The following RCAN2 variants were observed in gnomAD, a reference collection of about 807,000 sequenced individuals.
The protein encoded by RCAN2 is regulator of calcineurin 2, also known as calcipressin-2.
A neutral mutation model predicts 23.6 loss-of-function variants in RCAN2; 9 were observed. The observed-to-expected ratio is 0.38, with a 90% CI of 0.23 to 0.67. The LOEUF (loss-of-function observed/expected upper bound fraction) is 0.67. Among genes scored for constraint, RCAN2 ranks in the 30% least tolerant of loss-of-function variants. The pLI, the probability that RCAN2 is intolerant of heterozygous loss-of-function variation, is 0.51. For synonymous variants in RCAN2, 109 were observed against 115.7 expected (o/e 0.94, Z 0.37); for missense variants, 273 against 302.3 (o/e 0.90, Z 0.72).
intron 2 of RCAN2, among the ~76,000 whole-genome samples, chr6:46,432,433 G>A (rs146187209): frequency 3.3e-5 from 5 of 151,970 alleles, no homozygotes; most frequent in African/African-American, 7.3e-5. Context: ...GGCTGGTCTC[G>A]AACTCCTGAT....
intron 2 of RCAN2, among the ~76,000 whole-genome samples, chr6:46,446,332 A>T (rs1561909301): frequency 6.6e-6 from 1 of 151,950 alleles, no homozygotes; most frequent in Non-Finnish European, 1.5e-5. Flanking sequence ...GAAACTGCCA[A>T]CCAAGAATTC....
intron 2 of RCAN2, among the ~76,000 whole-genome samples, chr6:46,433,725 T>C (rs1408145259): frequency 6.6e-6 from 1 of 152,204 alleles, no homozygotes; most frequent in East Asian, 1.9e-4. Flanking sequence ...TTTTAGGACT[T>C]CCGACCTCCA....
At chr6:46,233,964 G>A (rs1415461036) in intron 4 of RCAN2, among the ~76,000 whole-genome samples, 2 of 152,052 alleles carry the variant, frequency 1.3e-5, no homozygotes, top group African/African-American at 4.8e-5. Flanking sequence ...CCTGACCTCA[G>A]GTAATCCACC....
intron 4 of RCAN2, among the ~76,000 whole-genome samples, chr6:46,241,576 G>A (rs760219889): frequency 3.9e-5 from 6 of 152,180 alleles, no homozygotes; most frequent in African/African-American, 1.4e-4. Context: ...GTGAGGGAAC[G>A]AAAGGCATAA....
intron 1 of RCAN2, among the ~76,000 whole-genome samples, chr6:46,489,772 A>T (rs1025749696): frequency 3.3e-5 from 5 of 152,170 alleles, no homozygotes; most frequent in African/African-American, 1.2e-4. Context: ...TATGGACTGG[A>T]CTCAGGTAGT....
intron 2 of RCAN2, among the ~76,000 whole-genome samples, chr6:46,279,503 T>G (rs988452900): frequency 1.1e-4 from 16 of 152,176 alleles, no homozygotes; most frequent in Non-Finnish European, 1.8e-4. Context: ...TCCCCCTAAT[T>G]GTGACAACGT....
intron 2 of RCAN2, among the ~76,000 whole-genome samples, chr6:46,283,827 C>T (rs571548980): frequency 3.5e-4 from 54 of 152,296 alleles, no homozygotes; most frequent in Admixed American, 1.4e-3. Flanking sequence ...ACTCATCACA[C>T]TGATTTAAAA....
intron 2 of RCAN2, among the ~76,000 whole-genome samples, chr6:46,378,262 A>G (rs751964639): frequency 5.9e-5 from 9 of 152,204 alleles, no homozygotes; most frequent in Non-Finnish European, 1.0e-4. Context: ...GAAAGAAAAT[A>G]GAATGTGATG....
intron 2 of RCAN2, among the ~76,000 whole-genome samples, chr6:46,264,139 T>C (rs981610705): frequency 4.6e-5 from 7 of 152,216 alleles, no homozygotes; most frequent in African/African-American, 1.7e-4. Context: ...CTTCTCAACA[T>C]TGAGGTGGAG....
chr6:46,393,515 T>A (rs1363896680), intron 2 of RCAN2, among the ~76,000 whole-genome samples: 1 of 152,218 alleles, frequency 6.6e-6, no homozygotes, highest in Non-Finnish European at 1.5e-5. Context: ...TTCTAATGGA[T>A]AATGATGTCA....
At chr6:46,466,480 C>G in intron 1 of RCAN2, among the ~76,000 whole-genome samples, 1 of 152,120 alleles carries the variant, frequency 6.6e-6, no homozygotes, top group East Asian at 1.9e-4. Flanking sequence ...GGTCACACTC[C>G]CTTCCACAAC....
At chr6:46,297,434 G>A (rs562951244) in intron 2 of RCAN2, among the ~76,000 whole-genome samples, 3 of 152,214 alleles carry the variant, frequency 2.0e-5, no homozygotes, top group East Asian at 3.9e-4. Flanking sequence ...GGGTGCAGAA[G>A]TGCTAACCCA....
chr6:46,350,844 T>TGG (rs1764626181), intron 2 of RCAN2, among the ~76,000 whole-genome samples: 1 of 152,176 alleles, frequency 6.6e-6, no homozygotes, highest in Non-Finnish European at 1.5e-5. Context: ...ACACTGCTAG[T>TGG]GAACAGTAGA....
rs188756324 is a variant in RCAN2, at chr6:46,375,991, G to A, written c.225+80761C>T. On this transcript the variant is annotated intron_variant, in intron 2 of 4. Coordinates refer to ENST00000371374, the MANE Select transcript of RCAN2 (RefSeq NM_001251974.2). ...TTCCTCTGATGTCTTTCTTTTCAAC[G>A]CATCTCTGAGTTCCTTTCCATTCTT... Among the ~76,000 whole-genome samples, 47 of 152,168 alleles carry A rather than the reference G, an allele frequency of 3.1e-4. 1 individual carries two copies. In the East Asian group the frequency reaches 6.9e-3, roughly 22 times the overall value.
chr6:46,442,900 G>T (rs1340113677), intron 2 of RCAN2, among the ~76,000 whole-genome samples: 1 of 152,066 alleles, frequency 6.6e-6, no homozygotes, highest in African/African-American at 2.4e-5. Flanking sequence ...CTTTAAGAAA[G>T]GTTAAGGTTT....
intron 2 of RCAN2, among the ~76,000 whole-genome samples, chr6:46,256,080 G>C (rs1263932434): frequency 6.6e-6 from 1 of 152,018 alleles, no homozygotes; most frequent in African/African-American, 2.4e-5. Context: ...GTTAGAATAG[G>C]GGTTGGAGGC....
intron 2 of RCAN2, among the ~76,000 whole-genome samples, chr6:46,326,597 G>A (rs1222848835): frequency 6.6e-6 from 1 of 152,164 alleles, no homozygotes; most frequent in African/African-American, 2.4e-5. Context: ...TCCTTTCACA[G>A]GAGTGACCAA....
intron 2 of RCAN2, among the ~76,000 whole-genome samples, chr6:46,354,748 C>T (rs779215616): frequency 1.3e-5 from 2 of 152,162 alleles, no homozygotes; most frequent in South Asian, 2.1e-4. Context: ...CAACTAGCAC[C>T]CAATGTTTAA....
intron 2 of RCAN2, among the ~76,000 whole-genome samples, chr6:46,364,098 C>T (rs1040854973): frequency 1.3e-5 from 2 of 152,124 alleles, no homozygotes; most frequent in Non-Finnish European, 2.9e-5. Context: ...TTCCACAACC[C>T]CAGTGTTCAC....
Sources: allele counts gnomAD v4.1 joint callset (sites outside exome capture counted in the v4.1 genomes callset), GRCh38; gene constraint gnomAD v4.1.1; transcripts MANE v1.5; gene names NCBI Gene and HGNC (gene_info 2026-07-23, HGNC 2026-07-21).